TAF4B: variants seen among roughly 807,000 people sequenced by gnomAD.
The protein encoded by TAF4B is TATA-box binding protein associated factor 4b, also known as transcription initiation factor TFIID subunit 4B.
Under a neutral mutation model 86.4 loss-of-function variants are expected in TAF4B, and 38 were observed. The ratio of observed to expected loss-of-function variants is 0.44; its 90% CI spans 0.34 to 0.58. The LOEUF (loss-of-function observed/expected upper bound fraction) is 0.58. Among genes scored for constraint, TAF4B ranks in the 20% least tolerant of loss-of-function variants. TAF4B has a pLI of 0.02. For missense variants in TAF4B, 988 were observed against 1,027.6 expected (o/e 0.96, Z 0.53); for synonymous variants, 388 against 391.2 (o/e 0.99, Z 0.10).
chr18:26,357,540 A>T (rs1367676806), intron 13 of TAF4B, 150 bp from the exon 14 acceptor site: 2 of 499,122 alleles, frequency 4.0e-6, no homozygotes, highest in Non-Finnish European at 7.1e-6. Context: ...AGAATCAGAA[A>T]ATGTGCCCTT....
chr18:26,281,440 G>T (rs374487737), intron 5 of TAF4B, among the ~76,000 whole-genome samples: 1 of 152,124 alleles, frequency 6.6e-6, no homozygotes, highest in Non-Finnish European at 1.5e-5. Context: ...CATTTGAAAA[G>T]AATAAGATAA....
At chr18:26,330,626 T>G (rs1324600507) in intron 12 of TAF4B, among the ~76,000 whole-genome samples, 1 of 152,146 alleles carries the variant, frequency 6.6e-6, no homozygotes, top group African/African-American at 2.4e-5. Context: ...TATGTACACG[T>G]TTATATATAT....
rs76563010 is a variant in TAF4B, at chr18:26,289,276, A to G, written c.1590+2777A>G. ...TGAGGAGGAAAACACTCAAGTTGCT[A>G]TAAAATAACGTATTCCATGCAGCTT... is the stretch of plus-strand genomic sequence containing the variant. On this transcript the variant is annotated intron_variant, in intron 7 of 14. Coordinates refer to ENST00000269142, the MANE Select transcript of TAF4B (RefSeq NM_005640.3). 4.3e-3 allele frequency among the ~76,000 whole-genome samples: 652 copies of G among 152,362 alleles called. 3 individuals are homozygous for G. Among genetic ancestry groups the G allele is most frequent in the African/African-American group, 0.015 (622 of 41,586 alleles).
chr18:26,346,827 A>ATATATATGTG (rs2057193772), intron 13 of TAF4B, among the ~76,000 whole-genome samples: 1 of 25,986 alleles, frequency 3.8e-5, no homozygotes, highest in Non-Finnish European at 1.0e-4. Flanking sequence ...GTGTGTGTAT[A>ATATATATGTG]TATATATATG....
At chr18:26,298,377 C>T (rs947595844) in intron 9 of TAF4B, among the ~76,000 whole-genome samples, 6 of 151,336 alleles carry the variant, frequency 4.0e-5, no homozygotes, top group Non-Finnish European at 7.4e-5. Context: ...TATAGGCGCC[C>T]GCAACCACAC....
At chr18:26,351,994 G>A (rs568960362) in intron 13 of TAF4B, among the ~76,000 whole-genome samples, 2 of 152,068 alleles carry the variant, frequency 1.3e-5, no homozygotes, top group African/African-American at 4.8e-5. Context: ...TATGTATATT[G>A]TAATCCCTAG....
At chr18:26,353,422 G>A (rs2057260760) in intron 13 of TAF4B, among the ~76,000 whole-genome samples, 1 of 152,132 alleles carries the variant, frequency 6.6e-6, no homozygotes, top group Non-Finnish European at 1.5e-5. Context: ...AAACTCTCAG[G>A]AATCTAAGAA....
At chr18:26,256,304 A>G in intron 1 of TAF4B, 1 of 1,452,304 alleles carries the variant, frequency 6.9e-7, no homozygotes, top group East Asian at 2.3e-5. Flanking sequence ...TAGCTCTGCA[A>G]ATACAGCAGC....
intron 1 of TAF4B, among the ~76,000 whole-genome samples, chr18:26,236,929 AC>A (rs943050855): frequency 6.7e-6 from 1 of 149,518 alleles, no homozygotes; most frequent in African/African-American, 2.5e-5. Flanking sequence ...GTGTCGGGTG[AC>A]AGGGGAGTAT....
intron 1 of TAF4B, among the ~76,000 whole-genome samples, chr18:26,247,705 A>C (rs1329208516): frequency 1.3e-5 from 2 of 151,946 alleles, no homozygotes; most frequent in African/African-American, 4.8e-5. Flanking sequence ...AACATAGCAA[A>C]ATCCTGTCCC....
At chr18:26,373,037 C>T (rs918629332) in intron 14 of TAF4B, among the ~76,000 whole-genome samples, 7 of 152,020 alleles carry the variant, frequency 4.6e-5, no homozygotes, top group African/African-American at 1.4e-4. Context: ...GCAATGAGTC[C>T]CACAGAAATG....
At position 26,316,997 on chromosome 18, in the gene TAF4B, C is replaced by G. The variant is rs140964594; in HGVS notation, c.2002+1599C>G. ...TGCTTTGGTAAAATATAAGTAGATA[C>G]TTAGTTTTATCGGTCACCCTCCCTT... On this transcript the variant is annotated intron_variant, in intron 10 of 14. Coordinates refer to ENST00000269142, the MANE Select transcript of TAF4B (RefSeq NM_005640.3). Among the ~76,000 whole-genome samples the G allele has an allele frequency of 3.5e-3, 526 of 148,558 alleles. 2 individuals are homozygous for G. Among genetic ancestry groups the G allele is most frequent in the African/African-American group, 0.012 (493 of 40,538 alleles).
At chr18:26,272,089 C>T (rs1464711003) in intron 3 of TAF4B, among the ~76,000 whole-genome samples, 1 of 151,982 alleles carries the variant, frequency 6.6e-6, no homozygotes, top group Non-Finnish European at 1.5e-5. Context: ...AGGCCAGGCT[C>T]CTCCCCCTTG....
chr18:26,239,619 T>G (rs1200231758), intron 1 of TAF4B, among the ~76,000 whole-genome samples: 1 of 152,370 alleles, frequency 6.6e-6, no homozygotes, highest in South Asian at 2.1e-4. Context: ...ATTTTGGCTT[T>G]TGTTGCCATT....
intron 1 of TAF4B, among the ~76,000 whole-genome samples, chr18:26,228,086 CT>C (rs1324881916): frequency 6.6e-6 from 1 of 152,182 alleles, no homozygotes; most frequent in Non-Finnish European, 1.5e-5. Context: ...ACTTTCTATC[CT>C]AGGGCTTTTT....
intron 1 of TAF4B, among the ~76,000 whole-genome samples, chr18:26,229,110 A>G (rs1203557830): frequency 6.6e-6 from 1 of 152,184 alleles, no homozygotes; most frequent in Admixed American, 6.6e-5. Flanking sequence ...AGAGAACTTT[A>G]GATTCCAGTC....
intron 1 of TAF4B, chr18:26,255,876 A>G: frequency 7.7e-7 from 1 of 1,291,384 alleles, no homozygotes; most frequent in Non-Finnish European, 1.1e-6. Flanking sequence ...TGTGAGATCT[A>G]AAAAGGAAAC....
intron 13 of TAF4B, among the ~76,000 whole-genome samples, chr18:26,346,843 GTGTA>G (rs796744278): frequency 0.023 from 387 of 16,924 alleles, 5 homozygotes; most frequent in African/African-American, 0.041. Context: ...ATATGTGTGT[GTGTA>G]TATATATATA....
At chr18:26,349,165 C>T (rs1310671423) in intron 13 of TAF4B, among the ~76,000 whole-genome samples, 2 of 152,000 alleles carry the variant, frequency 1.3e-5, no homozygotes. Flanking sequence ...GATTATATTG[C>T]ATTATGCTGA....
Sources: gnomAD v4.1 joint callset for allele counts (sites outside exome capture counted in the v4.1 genomes callset) on GRCh38, gnomAD v4.1.1 for gene constraint, MANE v1.5 for transcripts, NCBI Gene and HGNC (gene_info 2026-07-23, HGNC 2026-07-21) for gene names.